The following ZNF528 variants were observed in gnomAD, a reference collection of about 807,000 sequenced individuals.
ZNF528 encodes the protein zinc finger protein 528.
A neutral mutation model predicts 13.3 loss-of-function variants in ZNF528; 9 were observed. The ratio of observed to expected loss-of-function variants is 0.67; its 90% CI spans 0.41 to 1.18. The LOEUF (loss-of-function observed/expected upper bound fraction) is 1.18. Ranked by LOEUF, ZNF528 falls within the 50% of genes most tolerant of loss-of-function variation. The pLI is 0.01. For missense variants in ZNF528, 858 were observed against 745.4 expected (o/e 1.15, Z -1.76); for synonymous variants, 264 against 254.3 (o/e 1.04, Z -0.36).
chr19:52,400,177 C>G (rs561924635), intron 2 of ZNF528, among the ~76,000 whole-genome samples: 33 of 150,938 alleles, frequency 2.2e-4, no homozygotes, highest in African/African-American at 8.1e-4. Context: ...GATTTTACTT[C>G]AAGGGAATTA....
chr19:52,416,377 G>C lies in ZNF528; in HGVS notation c.1525G>C (p.Val509Leu). 3.7e-6 allele frequency: 6 copies of C among 1,613,904 alleles called. No individual in the cohort carries two copies. The highest frequency in any genetic ancestry group is 5.1e-6 in the Non-Finnish European group (6 of 1,179,874). The change falls in exon 7 of 7, where the codon GTA becomes CTA. Residue 509 changes from valine (V) to leucine (L), a missense_variant. Transcript: ENST00000360465. ...GKVFSRSSNL[V>L]CHQKIHTGEK... ...GGTCTTCAGTCGCAGTTCAAACCTG[G>C]TATGCCATCAGAAAATTCATACAGG...
At chr19:52,404,402 A>G (rs2058830660) in intron 4 of ZNF528, among the ~76,000 whole-genome samples, 1 of 150,102 alleles carries the variant, frequency 6.7e-6, no homozygotes, top group Non-Finnish European at 1.5e-5. Flanking sequence ...TAATTTCTGT[A>G]TTTTTACTAG....
rs1465460684 is a variant in ZNF528 at position 52,417,224 on chromosome 19, G to A, written c.*485G>A. On this transcript the variant is annotated 3_prime_UTR_variant, in exon 7 of 7. Coordinates refer to ENST00000360465, the MANE Select transcript of ZNF528 (RefSeq NM_032423.3). ...GCCTTCCATACAGGCCATTCACTGT[G>A]GTCCCTGGGAAAGAATCAGTAGGAT... 4 of 295,848 alleles carry A rather than the reference G, an allele frequency of 1.4e-5. No homozygotes were observed. The highest frequency in any genetic ancestry group is 3.1e-5 in the South Asian group (1 of 32,346). The allele number at this position is 295,848 out of a possible 1,614,324, so 18.3% of individuals were successfully genotyped here. A position where few individuals can be genotyped will look rare whatever the true frequency, so the allele number is the denominator to read the frequency against.
rs773475109 is a variant in ZNF528, at chr19:52,416,705, C to G, written c.1853C>G (p.Ser618Cys). ...TLCSKVFSHNSDLAQHQRVHS is the reference protein window; with the variant it reads ...TLCSKVFSHNCDLAQHQRVHS ...TGCAGTAAGGTCTTCAGTCACAATT[C>G]TGACCTTGCACAGCATCAGAGAGTT... The change falls in exon 7 of 7, where the codon TCT becomes TGT. Residue 618 changes from serine (S) to cysteine (C), a missense_variant. Coordinates refer to ENST00000360465, the MANE Select transcript of ZNF528 (RefSeq NM_032423.3). 5.6e-6 allele frequency: 9 copies of G among 1,609,402 alleles called. No individual in the cohort carries two copies. Among genetic ancestry groups the G allele is most frequent in the South Asian group, 1.1e-5 (1 of 90,976 alleles).
rs371538736 is a variant in ZNF528 at position 52,406,739 on chromosome 19, A to C, written c.271+96A>C. The C allele has an allele frequency of 7.7e-5, 110 of 1,429,216 alleles. No individual in the cohort carries two copies. The East Asian group carries it at 1.3e-3, about 17-fold the overall frequency. The allele number at this position is 1,429,216 out of a possible 1,614,324, so 88.5% of individuals were successfully genotyped here. A position where few individuals can be genotyped will look rare whatever the true frequency, so the allele number is the denominator to read the frequency against. On this transcript the variant is annotated intron_variant, in intron 6 of 6. Transcript: ENST00000360465. ...TCCAGGCTAGAGTGCGGTGGCAATC[A>C]TAGCTCACTGCAGCCTTGAATTCCT...
chr19:52,407,234 G>A (rs559406768), intron 6 of ZNF528, among the ~76,000 whole-genome samples: 1 of 151,812 alleles, frequency 6.6e-6, no homozygotes, highest in South Asian at 2.1e-4. Context: ...GACTTCCTGG[G>A]CTCAAGTGAT....
rs767151491 is a variant in ZNF528 at position 52,398,509 on chromosome 19, C to G, written c.-247C>G. ...GAAGTGGGCATCTTATTCCAATCCCCTCCCTGTGAATGTGTGGAGAAAAAG... is the reference window on the plus strand; with the variant it reads ...GAAGTGGGCATCTTATTCCAATCCCGTCCCTGTGAATGTGTGGAGAAAAAG... On this transcript the variant is annotated 5_prime_UTR_variant, in exon 2 of 7. Coordinates refer to ENST00000360465, the MANE Select transcript of ZNF528 (RefSeq NM_032423.3). 7 of 923,528 alleles carry G rather than the reference C, an allele frequency of 7.6e-6. No homozygotes were observed. The highest frequency in any genetic ancestry group is 9.0e-6 in the Non-Finnish European group (7 of 773,496). The allele number at this position is 923,528 out of a possible 1,614,324, so 57.2% of individuals were successfully genotyped here.
Position 52,398,393 on chromosome 19 carries a change from C to T in ZNF528, c.-363C>T, listed in dbSNP as rs2058754483. 5.8e-6 allele frequency: 1 copy of T among 173,070 alleles called. No homozygotes were observed. Among genetic ancestry groups the T allele is most frequent in the Non-Finnish European group, 1.1e-5 (1 of 86,984 alleles). The allele number at this position is 173,070 out of a possible 1,614,324, so 10.7% of individuals were successfully genotyped here. A position where few individuals can be genotyped will look rare whatever the true frequency, so the allele number is the denominator to read the frequency against. On this transcript the variant is annotated 5_prime_UTR_variant, in exon 2 of 7. Coordinates refer to ENST00000360465, the MANE Select transcript of ZNF528 (RefSeq NM_032423.3). ...CCTCCCTTTTCCAGCCACCGGTTCT[C>T]CTGACCCCGAGTGTGGGGGGTGACT...
At chr19:52,402,148 A>T in intron 4 of ZNF528, 120 bp downstream of exon 4, 1 of 1,412,520 alleles carries the variant, frequency 7.1e-7, no homozygotes, top group Non-Finnish European at 9.9e-7. Context: ...GCACTTACCC[A>T]TGGCTTCTTC....
chr19:52,415,177 C>T lies in ZNF528; in HGVS notation c.325C>T (p.Leu109Phe). Residue 109 changes from leucine to phenylalanine, a missense_variant, in exon 7 of 7, where the codon CTT becomes TTT. Leu to Phe is a conservative substitution (Grantham distance 22). Coordinates refer to ENST00000360465, the MANE Select transcript of ZNF528 (RefSeq NM_032423.3). The part of the protein sequence containing the change: ...NAGNKPCKNQ[L>F]GFTFQLHLSD... Reference sequence around the variant, plus strand: ...AGGAAACAAGCCTTGTAAAAATCAACTTGGATTCACTTTTCAGTTACATCT... The same window carrying T: ...AGGAAACAAGCCTTGTAAAAATCAATTTGGATTCACTTTTCAGTTACATCT... 1 of 1,611,416 alleles carries T rather than the reference C, an allele frequency of 6.2e-7. No individual in the cohort carries two copies. Among genetic ancestry groups the T allele is most frequent in the Non-Finnish European group, 8.5e-7 (1 of 1,178,738 alleles).
rs999564573 is a variant in ZNF528, at chr19:52,401,930, A to T, written c.-67-17A>T. The stretch of plus-strand genomic sequence containing the variant: ...ATGTTGATTCTAAGCCCTAAGCAGC[A>T]TATTTTTGACATTCAGGATTCACTT... On this transcript the variant is annotated splice_polypyrimidine_tract_variant and intron_variant, in intron 3 of 6. Coordinates refer to ENST00000360465, the MANE Select transcript of ZNF528 (RefSeq NM_032423.3). 3.7e-6 allele frequency: 6 copies of T among 1,611,486 alleles called. No homozygotes were observed. Among genetic ancestry groups the T allele is most frequent in the Non-Finnish European group, 5.1e-6 (6 of 1,178,528 alleles).
At chr19:52,409,851 G>A (rs2058907506) in intron 6 of ZNF528, among the ~76,000 whole-genome samples, 1 of 152,054 alleles carries the variant, frequency 6.6e-6, no homozygotes, top group Admixed American at 6.6e-5. Flanking sequence ...TGAGTAGCTG[G>A]GACTAGGCGC....
At chr19:52,409,183 C>T (rs950574548) in intron 6 of ZNF528, among the ~76,000 whole-genome samples, 4 of 151,684 alleles carry the variant, frequency 2.6e-5, no homozygotes, top group Non-Finnish European at 5.9e-5. Context: ...TGACAAGTCT[C>T]TTTTTTGTTG....
Position 52,398,460 on chromosome 19 carries a change from G to A in ZNF528, c.-296G>A, listed in dbSNP as rs2058754936. On this transcript the variant is annotated 5_prime_UTR_variant, in exon 2 of 7. Coordinates refer to ENST00000360465, the MANE Select transcript of ZNF528 (RefSeq NM_032423.3). ...CAGTGTTCTCTCGAGCCAGTTTCCA[G>A]CCCACAGAAAATGAGCTCTTCCGGA... 2.2e-5 allele frequency: 12 copies of A among 533,696 alleles called. No homozygotes were observed. The South Asian group carries it at 9.8e-4, about 44-fold the overall frequency. The allele number at this position is 533,696 out of a possible 1,614,324, so 33.1% of individuals were successfully genotyped here.
At chr19:52,412,063 C>G (rs903455243) in intron 6 of ZNF528, 1 of 152,112 alleles carries the variant, frequency 6.6e-6, no homozygotes, top group East Asian at 1.9e-4. Context: ...GTCCATTCGC[C>G]CATAAAATTT....
At chr19:52,404,595 T>G (rs577702796) in intron 4 of ZNF528, among the ~76,000 whole-genome samples, 312 of 151,954 alleles carry the variant, frequency 2.1e-3, no homozygotes, top group Non-Finnish European at 3.6e-3. Context: ...CATTTTTTAT[T>G]TTATTTGTTT....
intron 2 of ZNF528, among the ~76,000 whole-genome samples, chr19:52,399,962 A>C (rs889666950): frequency 7.9e-5 from 12 of 152,280 alleles, no homozygotes; most frequent in Admixed American, 7.2e-4. Flanking sequence ...TAGTAAAAAC[A>C]GTGTGGTTTT....
Position 52,415,581 on chromosome 19 carries a change from T to C in ZNF528, c.729T>C (p.Cys243=), listed in dbSNP as rs1193216731. ...RMHTGEKPYK[C]HECGKLFSSN... is the part of the protein sequence containing the mutation. Reference sequence around the variant, plus strand: ...ATACTGGAGAGAAGCCTTACAAATGTCATGAATGTGGCAAGCTCTTCAGTA... The same window carrying C: ...ATACTGGAGAGAAGCCTTACAAATGCCATGAATGTGGCAAGCTCTTCAGTA... The change falls in exon 7 of 7, where the codon TGT becomes TGC. Residue 243 remains cysteine, a synonymous_variant. Coordinates refer to ENST00000360465, the MANE Select transcript of ZNF528 (RefSeq NM_032423.3). 1 of 1,614,144 alleles carries C rather than the reference T, an allele frequency of 6.2e-7. No homozygotes were observed. The highest frequency in any genetic ancestry group is 8.5e-7 in the Non-Finnish European group (1 of 1,180,010).
intron 2 of ZNF528, 39 bp from the exon 3 acceptor site, chr19:52,401,646 A>G: frequency 1.6e-6 from 2 of 1,240,120 alleles, no homozygotes; most frequent in African/African-American, 1.6e-5. Context: ...ACAGTTTATT[A>G]CCACATGAAG....
Sources: gnomAD v4.1 joint callset for allele counts (sites outside exome capture counted in the v4.1 genomes callset) on GRCh38, gnomAD v4.1.1 for gene constraint, MANE v1.5 for transcripts, NCBI Gene and HGNC (gene_info 2026-07-23, HGNC 2026-07-21) for gene names.